The following SLMAP variants were observed in gnomAD, a reference collection of about 807,000 sequenced individuals.
SLMAP encodes the protein sarcolemmal membrane-associated protein.
SLMAP carries 44 observed loss-of-function variants against 128.8 expected under a neutral mutation model. The observed-to-expected ratio is 0.34, with a 90% CI of 0.27 to 0.44. The LOEUF (loss-of-function observed/expected upper bound fraction) is 0.44. Among genes scored for constraint, SLMAP ranks in the 20% least tolerant of loss-of-function variants. The pLI, the probability that SLMAP is intolerant of heterozygous loss-of-function variation, is 1.00. For synonymous variants in SLMAP, 327 were observed against 348.8 expected, an observed-to-expected ratio of 0.94 and a Z score of 0.70; for missense variants, 787 against 985.3, an observed-to-expected ratio of 0.80 and a Z score of 2.69.
intron 2 of SLMAP, among the ~76,000 whole-genome samples, chr3:57,802,187 T>C (rs1246728086): frequency 6.6e-6 from 1 of 152,088 alleles, no homozygotes; most frequent in East Asian, 1.9e-4. Context: ...TGTAAAACAA[T>C]TGCATCACTC....
At chr3:57,902,543 A>C (rs2096412896) in intron 17 of SLMAP, among the ~76,000 whole-genome samples, 1 of 152,166 alleles carries the variant, frequency 6.6e-6, no homozygotes, top group African/African-American at 2.4e-5. Context: ...GGCTACAGGT[A>C]AGGCAGTCAA....
chr3:57,851,979 T>C lies in SLMAP; in HGVS notation c.519+2163T>C, dbSNP rs1026910707. Among the ~76,000 whole-genome samples the C allele has an allele frequency of 6.4e-4, 96 of 149,952 alleles. 2 individuals are homozygous for C. The highest frequency in any genetic ancestry group is 6.4e-3 in the Admixed American group (96 of 15,094). On this transcript the variant is annotated intron_variant, in intron 6 of 24. Transcript: ENST00000671191. ...AGGCTGGAGTGCGGTGGCGTGATCTTGGCTCACTGCAACCTCCACTTCCCG... is the reference window on the plus strand; with the variant it reads ...AGGCTGGAGTGCGGTGGCGTGATCTCGGCTCACTGCAACCTCCACTTCCCG...
chr3:57,907,785 G>T, intron 17 of SLMAP, 99 bp from the exon 18 acceptor site: 1 of 1,144,994 alleles, frequency 8.7e-7, no homozygotes, highest in Non-Finnish European at 1.2e-6. Flanking sequence ...GTTCTATGTT[G>T]TTTATGCATG....
At chr3:57,920,131 A>C (rs752572856) in intron 22 of SLMAP, among the ~76,000 whole-genome samples, 43 of 152,210 alleles carry the variant, frequency 2.8e-4, no homozygotes, top group Non-Finnish European at 5.0e-4. Flanking sequence ...GGTCATTGAG[A>C]ATTTATTATG....
intron 14 of SLMAP, among the ~76,000 whole-genome samples, chr3:57,877,860 AG>A (rs2095641343): frequency 9.6e-6 from 1 of 104,250 alleles, no homozygotes; most frequent in Non-Finnish European, 2.1e-5. Context: ...TTTTAAACAG[AG>A]TCTCGCTCCG....
At chr3:57,906,175 T>C (rs2096534755) in intron 17 of SLMAP, among the ~76,000 whole-genome samples, 1 of 151,494 alleles carries the variant, frequency 6.6e-6, no homozygotes, top group African/African-American at 2.4e-5. Context: ...TTGTAGCTAA[T>C]GCAACAGTGT....
At chr3:57,922,804 G>A (rs1163231956) in intron 22 of SLMAP, 85 bp from the exon 23 acceptor site, 1 of 1,245,106 alleles carries the variant, frequency 8.0e-7, no homozygotes, top group Admixed American at 2.2e-5. Flanking sequence ...GACTAAATAG[G>A]ATCTGGCGTA....
intron 17 of SLMAP, 98 bp downstream of exon 17, chr3:57,897,030 G>C: frequency 6.4e-7 from 1 of 1,559,474 alleles, no homozygotes; most frequent in Non-Finnish European, 8.6e-7. Context: ...TTAATTTTTA[G>C]TTAAGAGATT....
chr3:57,760,448 G>T (rs1033030618), intron 2 of SLMAP, among the ~76,000 whole-genome samples: 11 of 152,088 alleles, frequency 7.2e-5, no homozygotes, highest in Admixed American at 2.0e-4. Context: ...TCATTGAATT[G>T]TTTTAGGAAT....
chr3:57,903,755 T>TA (rs1445393645), intron 17 of SLMAP, among the ~76,000 whole-genome samples: 1 of 151,998 alleles, frequency 6.6e-6, no homozygotes, highest in Non-Finnish European at 1.5e-5. Flanking sequence ...ATTTACAACT[T>TA]ACATTACTCC....
In SLMAP at chr3:57,849,903, G is replaced by A. The variant is rs541412592; in HGVS notation, c.519+87G>A. On this transcript the variant is annotated intron_variant, in intron 6 of 24. Transcript: ENST00000671191. ...AAAAGCAGAATTAGGGCCAGGCATG[G>A]TGGCTAATGCCTGTAATCCCAGGAC... 8.0e-5 allele frequency: 63 copies of A among 788,248 alleles called. 1 individual carries two copies. In the Middle Eastern group the frequency reaches 1.3e-3, roughly 17 times the overall value. The allele number at this position is 788,248 out of a possible 1,614,324, so 48.8% of individuals were successfully genotyped here. A position where few individuals can be genotyped will look rare whatever the true frequency, so the allele number is the denominator to read the frequency against.
rs997854956 is a variant in SLMAP, at chr3:57,868,951, TATATA to T, written c.1238-2679_1238-2675del. Among the ~76,000 whole-genome samples, 130 of 135,456 alleles carry T rather than the reference TATATA, an allele frequency of 9.6e-4. No homozygotes were observed. The Middle Eastern group carries it at 0.011, about 11-fold the overall frequency. The allele number at this position is 135,456 out of a possible 152,430, so 88.9% of individuals were successfully genotyped here. A position where few individuals can be genotyped will look rare whatever the true frequency, so the allele number is the denominator to read the frequency against. On this transcript the variant is annotated intron_variant, in intron 13 of 24. Coordinates refer to ENST00000671191, the MANE Select transcript of SLMAP (RefSeq NM_001377540.1). ...TAATATATGTTATATGTGTGTATTA[TATATA>T]ATATATGTGTGTATTATATATAATA...
intron 16 of SLMAP, 93 bp downstream of exon 16, chr3:57,896,684 TG>T (rs1358734284): frequency 4.8e-6 from 6 of 1,248,004 alleles, no homozygotes; most frequent in Non-Finnish European, 6.6e-6. Context: ...AGTATGTGTT[TG>T]GGGAAAAAAA....
At chr3:57,901,170 C>A (rs1300457724) in intron 17 of SLMAP, 2 of 152,290 alleles carry the variant, frequency 1.3e-5, no homozygotes, top group Non-Finnish European at 2.9e-5. Context: ...CATGGTGTAC[C>A]TTGCCTCCCT....
chr3:57,918,836 A>C (rs1373663943), intron 22 of SLMAP, among the ~76,000 whole-genome samples: 1 of 152,194 alleles, frequency 6.6e-6, no homozygotes, highest in African/African-American at 2.4e-5. Flanking sequence ...GTAACAGACT[A>C]AAATATTACA....
rs905957218 is a variant in SLMAP at position 57,890,113 on chromosome 3, T to C, written c.1360+13T>C. 1 of 1,612,736 alleles carries C rather than the reference T, an allele frequency of 6.2e-7. No homozygotes were observed. Among genetic ancestry groups the C allele is most frequent in the African/African-American group, 1.3e-5 (1 of 74,894 alleles). ...AAGCTTTCAAAAGGTTTGTTTTCTG[T>C]TTTTCTATGTTTTTTGACAGTTCTT... On this transcript the variant is annotated intron_variant, in intron 15 of 24. Coordinates refer to ENST00000671191, the MANE Select transcript of SLMAP (RefSeq NM_001377540.1).
intron 2 of SLMAP, among the ~76,000 whole-genome samples, chr3:57,793,754 G>A (rs2153478854): frequency 6.6e-6 from 1 of 152,074 alleles, no homozygotes. Context: ...CTTTTCTGAT[G>A]GGTAAACCTT....
intron 6 of SLMAP, among the ~76,000 whole-genome samples, chr3:57,855,918 A>C (rs1010366142): frequency 6.6e-6 from 1 of 151,536 alleles, no homozygotes; most frequent in South Asian, 2.1e-4. Context: ...GTGGTGCTGC[A>C]TGTCATCCCA....
chr3:57,921,994 C>T (rs1360198404), intron 22 of SLMAP, among the ~76,000 whole-genome samples: 8 of 152,082 alleles, frequency 5.3e-5, no homozygotes, highest in Non-Finnish European at 8.8e-5. Context: ...TGTGAGCCAC[C>T]GTGCCCAGCC....
Sources: gnomAD v4.1 joint callset for allele counts (sites outside exome capture counted in the v4.1 genomes callset) on GRCh38, gnomAD v4.1.1 for gene constraint, MANE v1.5 for transcripts, NCBI Gene and HGNC (gene_info 2026-07-23, HGNC 2026-07-21) for gene names.